RPS14: variants seen among roughly 807,000 people sequenced by gnomAD.
RPS14 encodes the protein ribosomal protein S14.
RPS14 carries 1 observed loss-of-function variant against 15.4 expected under a neutral mutation model. The ratio of observed to expected loss-of-function variants is 0.07; its 90% confidence interval spans 0.02 to 0.31. RPS14 has a LOEUF of 0.31. RPS14 is among the 10% of genes least tolerant of loss of function. The pLI is 1.00. For synonymous variants in RPS14, 68 were observed against 74.4 expected (o/e 0.91, Z 0.44); for missense variants, 69 against 205.5 (o/e 0.34, Z 4.06).
chr5:150,447,533 T>C lies in RPS14; in HGVS notation c.149+52A>G, dbSNP rs1581277861. On this transcript the variant is annotated intron_variant, in intron 2 of 4. Transcript: ENST00000407193. ...CTGAACTGCTAGCCCGTCCCAGCCA[T>C]TGCCTTCCTCAGCCTTTTGCCAGCT... is the stretch of plus-strand genomic sequence containing the variant. 5.7e-6 allele frequency: 9 copies of C among 1,590,038 alleles called. No homozygotes were observed. In the East Asian group the frequency reaches 1.6e-4, roughly 28 times the overall value.
At chr5:150,444,477 AC>A (rs772934899) in intron 4 of RPS14, 124 bp from the exon 5 acceptor site, 179 of 763,420 alleles carry the variant, frequency 2.3e-4, no homozygotes, top group Non-Finnish European at 3.5e-4. Flanking sequence ...ACTCCCCAGT[AC>A]CTAACAGATG....
In RPS14 at chr5:150,446,133, G is replaced by T. The variant is rs1347502694; in HGVS notation, c.312-448C>A. 6.6e-6 allele frequency among the ~76,000 whole-genome samples: 1 copy of T among 151,796 alleles called. No homozygotes were observed. The highest frequency in any genetic ancestry group is 2.4e-5 in the African/African-American group (1 of 41,300). The stretch of plus-strand genomic sequence containing the variant: ...AAAAGCCAGACAGTAAATATTTTAG[G>T]CTGAGGGGGCCACTATGGTTTGTTG... On this transcript the variant is annotated intron_variant, in intron 3 of 4. Transcript: ENST00000407193. This position sits in a 1 kb window ranked among gnomAD's most constrained non-coding sequence, Gnocchi z 4.2.
chr5:150,444,127 C>T lies in RPS14; in HGVS notation c.*159G>A. On this transcript the variant is annotated 3_prime_UTR_variant, in exon 5 of 5. Transcript: ENST00000407193. The stretch of plus-strand genomic sequence containing the variant: ...CATGGAAAAGACCCCAAATGCAGCA[C>T]CAGGATCTCAGCTCTCCTCAGGCTC... 1 of 1,131,140 alleles carries T rather than the reference C, an allele frequency of 8.8e-7. No individual in the cohort carries two copies. Among genetic ancestry groups the T allele is most frequent in the Non-Finnish European group, 1.2e-6 (1 of 840,510 alleles). The allele number at this position is 1,131,140 out of a possible 1,614,324, so 70.1% of individuals were successfully genotyped here.
At chr5:150,447,384 C>T (rs185811692) in intron 2 of RPS14, 142 of 604,836 alleles carry the variant, frequency 2.3e-4, no homozygotes, top group African/African-American at 2.2e-3. Context: ...ATGACCATCA[C>T]GCTGTAAGGA....
In RPS14 at chr5:150,445,394, A is replaced by G. The variant is rs138219975; in HGVS notation, c.388+215T>C. 17 of 697,868 alleles carry G rather than the reference A, an allele frequency of 2.4e-5. No homozygotes were observed. In the East Asian group the frequency reaches 4.7e-4, roughly 19 times the overall value. 43.2% of individuals were successfully genotyped at this position (697,868 alleles called of 1,614,324 possible). On this transcript the variant is annotated intron_variant, in intron 4 of 4. Transcript: ENST00000407193. ...ACCTGCACCAGGCAGTGTAGGACAG[A>G]GATTCACAAATGAAACAGGACATTC...
At chr5:150,445,223 C>T (rs1417061210) in intron 4 of RPS14, among the ~76,000 whole-genome samples, 1 of 152,152 alleles carries the variant, frequency 6.6e-6, no homozygotes, top group Non-Finnish European at 1.5e-5. Context: ...TTTTGGCTGT[C>T]ACACGACTGG....
chr5:150,447,057 T>A, intron 2 of RPS14, 94 bp from the exon 3 acceptor site: 2 of 1,436,032 alleles, frequency 1.4e-6, no homozygotes, highest in South Asian at 1.3e-5. Context: ...TCAGTCATGG[T>A]GGAGGATGAT....
At chr5:150,444,511 A>T in intron 4 of RPS14, 158 bp from the exon 5 acceptor site, 1 of 686,228 alleles carries the variant, frequency 1.5e-6, no homozygotes, top group Non-Finnish European at 2.6e-6. Flanking sequence ...AAGTGGCCCC[A>T]TCTGCCAGTT....
chr5:150,448,072 C>T (rs1771158397), intron 1 of RPS14: 1 of 234,508 alleles, frequency 4.3e-6, no homozygotes, highest in African/African-American at 2.2e-5. Flanking sequence ...AACCCAAGAC[C>T]AACAGCTACC....
At chr5:150,445,815 C>G (rs1396779956) in intron 3 of RPS14, 130 bp from the exon 4 acceptor site, 1 of 719,506 alleles carries the variant, frequency 1.4e-6, no homozygotes, top group African/African-American at 1.8e-5. Context: ...CAGGGCTGTA[C>G]ACAGTGGTTC....
chr5:150,445,383 G>C, intron 4 of RPS14: 1 of 689,776 alleles, frequency 1.4e-6, no homozygotes, highest in South Asian at 1.5e-5. Context: ...GCACCAGGCA[G>C]TGTAGGACAG....
At chr5:150,447,460 G>C in intron 2 of RPS14, 125 bp downstream of exon 2, 1 of 954,330 alleles carries the variant, frequency 1.0e-6, no homozygotes, top group Non-Finnish European at 1.7e-6. Flanking sequence ...AAATGGACAA[G>C]CACATTTTCT....
At chr5:150,447,887 A>C in intron 1 of RPS14, 152 bp from the exon 2 acceptor site, 1 of 865,138 alleles carries the variant, frequency 1.2e-6, no homozygotes, top group Non-Finnish European at 1.8e-6. Context: ...TGCCTCACTA[A>C]AACTTCTTTC....
In RPS14 at chr5:150,444,340, G is replaced by A; in HGVS notation, c.402C>T (p.Pro134=). 1 of 1,611,272 alleles carries A rather than the reference G, an allele frequency of 6.2e-7. No homozygotes were observed. Residue 134 remains proline, a synonymous_variant, in exon 5 of 5, where the codon CCC becomes CCT. Coordinates refer to ENST00000407193, the MANE Select transcript of RPS14 (RefSeq NM_005617.4). ...TCCTGCGAGTGCTGTCAGAGGGGATGGGGGTGACATCCTCTGTGGGGAGGA... is the reference window on the plus strand; with the variant it reads ...TCCTGCGAGTGCTGTCAGAGGGGATAGGGGTGACATCCTCTGTGGGGAGGA... ...MKIGRIEDVT[P]IPSDSTRRKG...
In RPS14 at chr5:150,444,231, G is replaced by T; in HGVS notation, c.*55C>A. On this transcript the variant is annotated 3_prime_UTR_variant, in exon 5 of 5. Coordinates refer to ENST00000407193, the MANE Select transcript of RPS14 (RefSeq NM_005617.4). The stretch of plus-strand genomic sequence containing the variant: ...TGATGAAGGAGAGAAGGCTGGAGTT[G>T]AAACAGTTTACATGAAGGCAATTTA... 1.9e-6 allele frequency: 3 copies of T among 1,568,896 alleles called. No homozygotes were observed. Among genetic ancestry groups the T allele is most frequent in the Non-Finnish European group, 2.6e-6 (3 of 1,154,154 alleles).
At chr5:150,445,742 CCTTT>C (rs1771075745) in intron 3 of RPS14, 57 bp from the exon 4 acceptor site, 2 of 1,365,178 alleles carry the variant, frequency 1.5e-6, no homozygotes, top group East Asian at 4.6e-5. Flanking sequence ...TGGAAGATCT[CCTTT>C]CTAAGATCCC....
chr5:150,447,092 G>C (rs774194790), intron 2 of RPS14, 129 bp from the exon 3 acceptor site: 248 of 1,042,838 alleles, frequency 2.4e-4, no homozygotes, highest in Non-Finnish European at 3.0e-4. Flanking sequence ...CCCTCATGGA[G>C]TTCAGTCCAG....
At position 150,446,979 on chromosome 5, in the gene RPS14, C is replaced by T; in HGVS notation, c.150-16G>A. 1 of 1,613,818 alleles carries T rather than the reference C, an allele frequency of 6.2e-7. No homozygotes were observed. The highest frequency in any genetic ancestry group is 8.5e-7 in the Non-Finnish European group (1 of 1,179,830). ...GATGGTTTCCCTGGGGACAAAAGCA[C>T]AGGGTCATTTCTTCCTCGTCCAACA... is the stretch of plus-strand genomic sequence containing the variant. On this transcript the variant is annotated splice_polypyrimidine_tract_variant and intron_variant, in intron 2 of 4. Coordinates refer to ENST00000407193, the MANE Select transcript of RPS14 (RefSeq NM_005617.4). This position sits in a 1 kb window ranked among gnomAD's most constrained non-coding sequence, Gnocchi z 4.2.
intron 2 of RPS14, 104 bp from the exon 3 acceptor site, chr5:150,447,067 T>C (rs1275253361): frequency 1.4e-6 from 2 of 1,387,276 alleles, no homozygotes; most frequent in East Asian, 2.3e-5. Context: ...TGGAGGATGA[T>C]GGTCATGGGC....
Sources: gnomAD v4.1 joint callset for allele counts (sites outside exome capture counted in the v4.1 genomes callset) on GRCh38, gnomAD v4.1.1 for gene constraint, Gnocchi (gnomAD v3.1) non-coding constraint, MANE v1.5 for transcripts, NCBI Gene and HGNC (gene_info 2026-07-23, HGNC 2026-07-21) for gene names.